EIF4G3: variants seen among roughly 807,000 people sequenced by gnomAD.
EIF4G3 encodes the protein eukaryotic translation initiation factor 4 gamma 3.
A neutral mutation model predicts 186.4 loss-of-function variants in EIF4G3; 34 were observed. The observed-to-expected ratio is 0.18, with a 90% CI of 0.14 to 0.24. The LOEUF (loss-of-function observed/expected upper bound fraction) is 0.24, where lower values mean the gene tolerates loss of function less well. Ranked by LOEUF, EIF4G3 falls within the 10% of genes least tolerant of loss-of-function variation. The probability of loss-of-function intolerance (pLI) is 1.00; values close to 1 mark genes in which losing one functional copy is unlikely to be tolerated. For missense variants in EIF4G3, 1,536 were observed against 1,948.5 expected (o/e 0.79, Z 3.99); for synonymous variants, 673 against 679.5 (o/e 0.99, Z 0.15).
intron 14 of EIF4G3, among the ~76,000 whole-genome samples, chr1:20,936,613 A>C (rs2095524021): frequency 1.3e-5 from 2 of 152,196 alleles, no homozygotes; most frequent in Admixed American, 6.5e-5. Flanking sequence ...AAATTTTATT[A>C]TTTAAAAGAT....
chr1:21,142,146 G>A (rs1012765232), intron 2 of EIF4G3, among the ~76,000 whole-genome samples: 6 of 151,826 alleles, frequency 4.0e-5, no homozygotes, highest in African/African-American at 1.2e-4. Flanking sequence ...GGCATTTAAG[G>A]CCAGCCTAGG....
At chr1:21,168,864 A>G (rs2097906264) in intron 2 of EIF4G3, among the ~76,000 whole-genome samples, 1 of 152,170 alleles carries the variant, frequency 6.6e-6, no homozygotes, top group Non-Finnish European at 1.5e-5. Flanking sequence ...ATCAGGACAG[A>G]AATACACCAA....
Position 20,905,503 on chromosome 1 carries a change from G to A in EIF4G3, c.1664-532C>T, listed in dbSNP as rs536134243. On this transcript the variant is annotated intron_variant, in intron 14 of 36. Coordinates refer to ENST00000602326, the MANE Select transcript of EIF4G3 (RefSeq NM_001391906.1). ...GTTTCATTAGATAGGCAGCATTTCT[G>A]AAACATTCTGTTTTCATCTCAGATC... Among the ~76,000 whole-genome samples, 5 of 152,310 alleles carry A rather than the reference G, an allele frequency of 3.3e-5. No homozygotes were observed. In the East Asian group the frequency reaches 7.7e-4, roughly 23 times the overall value.
intron 18 of EIF4G3, among the ~76,000 whole-genome samples, chr1:20,887,532 G>GT (rs1392061860): frequency 6.6e-6 from 1 of 151,992 alleles, no homozygotes; most frequent in Non-Finnish European, 1.5e-5. Flanking sequence ...AGAAATGGTA[G>GT]TATCAAGAAT....
intron 2 of EIF4G3, among the ~76,000 whole-genome samples, chr1:21,098,772 T>G (rs1370277200): frequency 6.6e-6 from 1 of 152,022 alleles, no homozygotes; most frequent in East Asian, 1.9e-4. Flanking sequence ...CAGCTCAACC[T>G]GTAACTGGTA....
chr1:20,966,018 C>T (rs2074572237), intron 12 of EIF4G3, among the ~76,000 whole-genome samples: 1 of 152,160 alleles, frequency 6.6e-6, no homozygotes, highest in South Asian at 2.1e-4. Flanking sequence ...TTCACATGTA[C>T]CACCACCATT....
chr1:21,087,528 C>T (rs1470128775), intron 3 of EIF4G3, among the ~76,000 whole-genome samples: 1 of 152,206 alleles, frequency 6.6e-6, no homozygotes, highest in South Asian at 2.1e-4. Context: ...GGCATAATGG[C>T]TCATGTCTAT....
At chr1:21,107,272 T>A (rs933690753) in intron 2 of EIF4G3, among the ~76,000 whole-genome samples, 1 of 152,140 alleles carries the variant, frequency 6.6e-6, no homozygotes, top group Admixed American at 6.6e-5. Context: ...TGCCTCTTAA[T>A]TCAAGCAATT....
chr1:20,839,004 A>G (rs1328570682), intron 30 of EIF4G3, among the ~76,000 whole-genome samples: 4 of 151,656 alleles, frequency 2.6e-5, no homozygotes, highest in Non-Finnish European at 5.9e-5. Flanking sequence ...TTTGAGAGGG[A>G]GTCTTGCTCT....
At chr1:20,960,943 G>A (rs186684618) in intron 12 of EIF4G3, among the ~76,000 whole-genome samples, 39 of 152,284 alleles carry the variant, frequency 2.6e-4, no homozygotes, top group Admixed American at 2.6e-3. Flanking sequence ...GTGTACAACA[G>A]ATAATTCATA....
intron 10 of EIF4G3, among the ~76,000 whole-genome samples, chr1:20,976,165 T>C (rs1349486199): frequency 2.0e-5 from 3 of 149,452 alleles, no homozygotes; most frequent in African/African-American, 7.3e-5. Flanking sequence ...TTTGTATTTT[T>C]ATTTTATTTA....
chr1:21,166,801 A>C (rs1162770112), intron 2 of EIF4G3, among the ~76,000 whole-genome samples: 2 of 152,020 alleles, frequency 1.3e-5, no homozygotes, highest in Non-Finnish European at 2.9e-5. Flanking sequence ...GGTTTTTTTG[A>C]GACAGGGTCT....
intron 20 of EIF4G3, among the ~76,000 whole-genome samples, chr1:20,873,481 T>G (rs10916891): frequency 0.39 from 59,605 of 151,996 alleles, 12,428 homozygotes; most frequent in East Asian, 0.5. Context: ...GAGTTCTTGT[T>G]GTTTCACGTT....
rs554238429 is a variant in EIF4G3, at chr1:21,095,666, A to G, written c.-271-6453T>C. ...CATTAGTCTCAAAGAGCTTAGCCAG[A>G]AAACCCCTTGTTCTGGCTCTGATTT... On this transcript the variant is annotated intron_variant, in intron 2 of 36. Coordinates refer to ENST00000602326, the MANE Select transcript of EIF4G3 (RefSeq NM_001391906.1). 3.3e-3 allele frequency among the ~76,000 whole-genome samples: 505 copies of G among 152,322 alleles called. 1 individual carries two copies. Among genetic ancestry groups the G allele is most frequent in the Non-Finnish European group, 5.8e-3 (398 of 68,042 alleles).
At chr1:20,901,774 G>C (rs1044128351) in intron 15 of EIF4G3, among the ~76,000 whole-genome samples, 1 of 152,074 alleles carries the variant, frequency 6.6e-6, no homozygotes, top group African/African-American at 2.4e-5. Flanking sequence ...TAAAATCCTA[G>C]TCAACTAGTC....
intron 7 of EIF4G3, among the ~76,000 whole-genome samples, chr1:20,995,150 TAA>T (rs1570600341): frequency 6.6e-6 from 1 of 152,168 alleles, no homozygotes; most frequent in South Asian, 2.1e-4. Context: ...TTAAAGCTCA[TAA>T]AAGTTTTCTT....
intron 2 of EIF4G3, among the ~76,000 whole-genome samples, chr1:21,154,802 T>C (rs1326272534): frequency 1.3e-5 from 2 of 152,232 alleles, no homozygotes; most frequent in African/African-American, 4.8e-5. Flanking sequence ...TTTAGCAGTA[T>C]GATAAAAGAT....
chr1:21,080,220 G>C (rs1048058065), intron 3 of EIF4G3, among the ~76,000 whole-genome samples: 1 of 143,112 alleles, frequency 7.0e-6, no homozygotes, highest in Non-Finnish European at 1.6e-5. Context: ...AAAGCTAAGG[G>C]AGGAGGGATA....
At chr1:20,873,459 A>G (rs1034196531) in intron 20 of EIF4G3, among the ~76,000 whole-genome samples, 27 of 152,188 alleles carry the variant, frequency 1.8e-4, no homozygotes, top group Admixed American at 1.3e-4. Context: ...GGCTGTTGCA[A>G]TCAGTATGCG....
Sources: gnomAD v4.1 joint callset for allele counts (sites outside exome capture counted in the v4.1 genomes callset) on GRCh38, gnomAD v4.1.1 for gene constraint, MANE v1.5 for transcripts, NCBI Gene and HGNC (gene_info 2026-07-23, HGNC 2026-07-21) for gene names.